SHB: variants seen among roughly 807,000 people sequenced by gnomAD.
The protein encoded by SHB is SH2 domain containing adaptor protein B.
Under a neutral mutation model 52.3 loss-of-function variants are expected in SHB, and 20 were observed. The ratio of observed to expected loss-of-function variants is 0.38; its 90% confidence interval spans 0.27 to 0.56. The LOEUF (loss-of-function observed/expected upper bound fraction) is 0.56. Ranked by LOEUF, SHB falls within the 20% of genes least tolerant of loss-of-function variation. The pLI is 0.71. For synonymous variants in SHB, 397 were observed against 316.5 expected, an observed-to-expected ratio of 1.25 and a Z score of -2.70; for missense variants, 825 against 723.3, an observed-to-expected ratio of 1.14 and a Z score of -1.61.
At chr9:37,994,026 TC>T (rs751105544) in intron 2 of SHB, among the ~76,000 whole-genome samples, 3 of 152,210 alleles carry the variant, frequency 2.0e-5, no homozygotes, top group Admixed American at 6.5e-5. Flanking sequence ...GCACCCCGTC[TC>T]CTTTGCAGCT....
chr9:38,019,557 T>A (rs1443806345), intron 1 of SHB, among the ~76,000 whole-genome samples: 1 of 152,256 alleles, frequency 6.6e-6, no homozygotes, highest in Non-Finnish European at 1.5e-5. Flanking sequence ...CACTTCCCTA[T>A]GGACTGGTCA....
chr9:37,916,308 C>G lies in SHB; in HGVS notation c.*3513G>C, dbSNP rs529667750. On this transcript the variant is annotated 3_prime_UTR_variant, in exon 6 of 6. Coordinates refer to ENST00000377707, the MANE Select transcript of SHB (RefSeq NM_003028.3). ...GGTGTCTGTGGGCCAACACCAAACG[C>G]CAGCCTGCTCTGCTGGCAGGGCTTC... Among the ~76,000 whole-genome samples, 157 of 152,368 alleles carry G rather than the reference C, an allele frequency of 1.0e-3. 1 individual carries two copies. In the South Asian group the frequency reaches 0.013, roughly 13 times the overall value.
chr9:38,068,125 G>A lies in SHB; in HGVS notation c.521C>T (p.Ala174Val), dbSNP rs866498719. 5 of 1,459,230 alleles carry A rather than the reference G, an allele frequency of 3.4e-6. No individual in the cohort carries two copies. Among genetic ancestry groups the A allele is most frequent in the Non-Finnish European group, 2.7e-6 (3 of 1,118,306 alleles). 90.4% of individuals were successfully genotyped at this position (1,459,230 alleles called of 1,614,324 possible). ...CTTGGGGGAGATGTAGCGCACCTCG[G>A]CCGGCGTGGCGGGCCGCCGCTCGCT... ...SSSERRPATP[A>V]EVRYISPKHR... Residue 174 changes from alanine (A) to valine (V), a missense_variant, in exon 1 of 6, where the codon GCC (alanine) becomes GTC (valine). Physicochemically the swap from Ala to Val is moderately conservative, Grantham distance 64. Transcript: ENST00000377707.
chr9:37,984,129 C>G (rs964022996), intron 2 of SHB, among the ~76,000 whole-genome samples: 4 of 152,190 alleles, frequency 2.6e-5, no homozygotes, highest in African/African-American at 9.7e-5. Context: ...GCCTGGTGCA[C>G]AGAAGGCGTT....
chr9:37,941,908 A>T (rs1409283855), intron 5 of SHB, among the ~76,000 whole-genome samples: 1 of 152,108 alleles, frequency 6.6e-6, no homozygotes, highest in Admixed American at 6.5e-5. Context: ...CTGCTGATAG[A>T]TGAGGGGAGA....
intron 1 of SHB, among the ~76,000 whole-genome samples, chr9:38,058,380 C>T (rs545728887): frequency 5.9e-5 from 9 of 152,352 alleles, no homozygotes; most frequent in Admixed American, 3.9e-4. Flanking sequence ...AGTGGCTGCT[C>T]GGGGCCAAAA....
chr9:37,994,193 T>C (rs998087554), intron 2 of SHB, among the ~76,000 whole-genome samples: 3 of 152,234 alleles, frequency 2.0e-5, no homozygotes, highest in Non-Finnish European at 4.4e-5. Context: ...CCATGAGATC[T>C]GGAATGGACT....
Position 37,917,941 on chromosome 9 carries a change from G to A in SHB, c.*1880C>T, listed in dbSNP as rs1460756047. 6.6e-6 allele frequency among the ~76,000 whole-genome samples: 1 copy of A among 152,218 alleles called. No individual in the cohort carries two copies. The highest frequency in any genetic ancestry group is 1.5e-5 in the Non-Finnish European group (1 of 68,040). Reference sequence around the variant, plus strand: ...AGGGCAGGGCTTTGCACAAACCGCTGAAGTCCACGCAGCTACCTAAAGGGG... The same window carrying A: ...AGGGCAGGGCTTTGCACAAACCGCTAAAGTCCACGCAGCTACCTAAAGGGG... On this transcript the variant is annotated 3_prime_UTR_variant, in exon 6 of 6. Coordinates refer to ENST00000377707, the MANE Select transcript of SHB (RefSeq NM_003028.3).
chr9:37,991,814 G>A (rs1820884871), intron 2 of SHB, among the ~76,000 whole-genome samples: 2 of 152,226 alleles, frequency 1.3e-5, no homozygotes, highest in Admixed American at 1.3e-4. Context: ...CACAGGCTGT[G>A]CTCTGTGAAG....
chr9:37,979,794 T>C (rs111993167), intron 2 of SHB, among the ~76,000 whole-genome samples: 2,564 of 152,154 alleles, frequency 0.017, 65 homozygotes, highest in African/African-American at 0.058. Context: ...CCATCTCTAC[T>C]AATAATACAA....
chr9:38,056,659 A>G (rs1375056470), intron 1 of SHB, among the ~76,000 whole-genome samples: 2 of 152,252 alleles, frequency 1.3e-5, no homozygotes, highest in Admixed American at 1.3e-4. Flanking sequence ...CAGCATGCTC[A>G]AGAAATCATG....
intron 3 of SHB, among the ~76,000 whole-genome samples, chr9:37,963,640 A>T (rs1438261971): frequency 6.6e-6 from 1 of 152,092 alleles, no homozygotes. Flanking sequence ...AAGGTGGGTG[A>T]GAGTGGGGAG....
intron 3 of SHB, among the ~76,000 whole-genome samples, chr9:37,969,212 C>A (rs558613331): frequency 1.1e-4 from 16 of 152,186 alleles, no homozygotes; most frequent in Non-Finnish European, 1.5e-4. Context: ...TCTTGGATAG[C>A]ACCAGAGAGG....
rs1473535192 is a variant in SHB, at chr9:38,019,247, G to T, written c.718-3116C>A. Among the ~76,000 whole-genome samples the T allele has an allele frequency of 2.0e-5, 3 of 152,334 alleles. No individual in the cohort carries two copies. The East Asian group carries it at 5.8e-4, about 29-fold the overall frequency. Reference sequence around the variant, plus strand: ...CAGGCAAGCACCTTTCTTGCTTTCAGACAAAACTACAGACCCCAGGTCAGC... The same window carrying T: ...CAGGCAAGCACCTTTCTTGCTTTCATACAAAACTACAGACCCCAGGTCAGC... On this transcript the variant is annotated intron_variant, in intron 1 of 5. Transcript: ENST00000377707.
intron 1 of SHB, among the ~76,000 whole-genome samples, chr9:38,032,063 T>G (rs1193778238): frequency 1.3e-5 from 2 of 152,078 alleles, no homozygotes; most frequent in Non-Finnish European, 2.9e-5. Flanking sequence ...GATCCTCCAG[T>G]GCCAGGGCCC....
Position 37,917,912 on chromosome 9 carries a change from A to G in SHB, c.*1909T>C, listed in dbSNP as rs909659840. The stretch of plus-strand genomic sequence containing the variant: ...GCAGACTGGTCACTAAAGGCGGGTC[A>G]CCAAGGGCAGGGCTTTGCACAAACC... On this transcript the variant is annotated 3_prime_UTR_variant, in exon 6 of 6. Transcript: ENST00000377707. Among the ~76,000 whole-genome samples the G allele has an allele frequency of 3.9e-5, 6 of 152,224 alleles. No individual in the cohort carries two copies. The highest frequency in any genetic ancestry group is 1.4e-4 in the African/African-American group (6 of 41,452).
At chr9:37,938,941 T>C (rs953208875) in intron 5 of SHB, among the ~76,000 whole-genome samples, 2 of 152,160 alleles carry the variant, frequency 1.3e-5, no homozygotes, top group African/African-American at 4.8e-5. Flanking sequence ...TTCCTGGTCT[T>C]TTCCAGGTCT....
At chr9:37,981,622 C>T (rs113223344) in intron 2 of SHB, among the ~76,000 whole-genome samples, 3 of 152,168 alleles carry the variant, frequency 2.0e-5, no homozygotes, top group African/African-American at 4.8e-5. Flanking sequence ...GTGCAAGAAG[C>T]CTACCTTTTG....
At chr9:37,932,213 C>G (rs891985252) in intron 5 of SHB, among the ~76,000 whole-genome samples, 1 of 136,804 alleles carries the variant, frequency 7.3e-6, no homozygotes, top group Non-Finnish European at 1.5e-5. Context: ...ACCCAGGAGG[C>G]AGTGAGCCAA....
Sources: allele counts gnomAD v4.1 joint callset (sites outside exome capture counted in the v4.1 genomes callset), GRCh38; gene constraint gnomAD v4.1.1; transcripts MANE v1.5; gene names NCBI Gene and HGNC (gene_info 2026-07-23, HGNC 2026-07-21).